NXPE2: variants seen among roughly 807,000 people sequenced by gnomAD.
The protein encoded by NXPE2 is NXPE family member 2.
NXPE2 carries 34 observed loss-of-function variants against 34.4 expected under a neutral mutation model. The observed-to-expected ratio is 0.99, with a 90% CI of 0.75 to 1.31. The LOEUF (loss-of-function observed/expected upper bound fraction) is 1.31, where lower values mean the gene tolerates loss of function less well. NXPE2 is among the 40% of genes most tolerant of loss of function. NXPE2 has a pLI of 0.00. For missense variants in NXPE2, 649 were observed against 672.5 expected, an observed-to-expected ratio of 0.97 and a Z score of 0.39; for synonymous variants, 235 against 231.3, an observed-to-expected ratio of 1.02 and a Z score of -0.15.
At chr11:114,807,518 C>T in the NXPE2 span, among the ~76,000 whole-genome samples, 1 of 150,610 alleles carries the variant, frequency 6.6e-6, no homozygotes, top group African/African-American at 2.4e-5. Flanking sequence ...AAATGGAAAA[C>T]AAAAAAAGGC....
chr11:114,785,619 T>TA, the NXPE2 span, among the ~76,000 whole-genome samples: 1 of 152,150 alleles, frequency 6.6e-6, no homozygotes. Flanking sequence ...AGTGATCCAA[T>TA]GAATTGAGAG....
At chr11:114,673,568 C>T (rs932948281), upstream of NXPE2, among the ~76,000 whole-genome samples, 1 of 151,492 alleles carries the variant, frequency 6.6e-6, no homozygotes, top group Non-Finnish European at 1.5e-5. Context: ...AATTGACAAA[C>T]CTGTAGCTAG....
the NXPE2 span, among the ~76,000 whole-genome samples, chr11:114,760,157 AGGAGGTGGCACTGTTG>A: frequency 3.3e-5 from 5 of 152,206 alleles, no homozygotes; most frequent in Non-Finnish European, 5.9e-5. Flanking sequence ...TGATGGTGTT[AGGAGGTGGCACTGTTG>A]GGAGGTGATT....
chr11:114,656,291 A>G, the NXPE2 span, among the ~76,000 whole-genome samples: 5 of 152,172 alleles, frequency 3.3e-5, no homozygotes, highest in African/African-American at 9.6e-5. Context: ...GATACAAACA[A>G]ATGGAAAAGC....
At chr11:114,766,925 AT>A in the NXPE2 span, among the ~76,000 whole-genome samples, 1 of 152,080 alleles carries the variant, frequency 6.6e-6, no homozygotes, top group South Asian at 2.1e-4. Flanking sequence ...TCTAATGAAA[AT>A]TTTTAGTTGT....
the NXPE2 span, among the ~76,000 whole-genome samples, chr11:114,736,965 C>T: frequency 6.6e-6 from 1 of 152,082 alleles, no homozygotes; most frequent in Non-Finnish European, 1.5e-5. Context: ...TTATTCTCTC[C>T]TCTCTCTCTG....
chr11:114,787,457 A>C, the NXPE2 span, among the ~76,000 whole-genome samples: 2 of 152,302 alleles, frequency 1.3e-5, no homozygotes, highest in Admixed American at 1.3e-4. Flanking sequence ...CAGCAAAGTC[A>C]TGACACAAGG....
the NXPE2 span, among the ~76,000 whole-genome samples, chr11:114,597,337 C>G: frequency 1.3e-5 from 2 of 152,102 alleles, no homozygotes; most frequent in Non-Finnish European, 2.9e-5. Flanking sequence ...GATCTGAAAT[C>G]TGAATGATAT....
the NXPE2 span, among the ~76,000 whole-genome samples, chr11:114,628,004 ACC>A: frequency 1.3e-5 from 2 of 151,954 alleles, no homozygotes; most frequent in East Asian, 3.9e-4. Context: ...ACACAGGAGC[ACC>A]TAGATTCATA....
At chr11:114,491,177 A>G in the NXPE2 span, among the ~76,000 whole-genome samples, 2 of 145,376 alleles carry the variant, frequency 1.4e-5, 1 homozygote. Flanking sequence ...TCAAAAAAAA[A>G]AAAAGAGTTT....
At chr11:114,527,602 C>T in the NXPE2 span, among the ~76,000 whole-genome samples, 1 of 152,186 alleles carries the variant, frequency 6.6e-6, no homozygotes, top group East Asian at 1.9e-4. Context: ...GATGAACTCT[C>T]AGGTTTAAAC....
the NXPE2 span, among the ~76,000 whole-genome samples, chr11:114,743,185 GA>G: frequency 3.4e-4 from 42 of 122,304 alleles, no homozygotes; most frequent in Non-Finnish European, 6.2e-4. Context: ...TTAATAGAAT[GA>G]AAAGATTCAA....
At chr11:114,801,262 C>G in the NXPE2 span, among the ~76,000 whole-genome samples, 2 of 152,022 alleles carry the variant, frequency 1.3e-5, no homozygotes, top group Non-Finnish European at 2.9e-5. Context: ...TCAGAGATAA[C>G]TTAGATTTAG....
chr11:114,717,761 T>A, the NXPE2 span, among the ~76,000 whole-genome samples: 3 of 152,178 alleles, frequency 2.0e-5, no homozygotes, highest in African/African-American at 4.8e-5. Flanking sequence ...TCCTCCCTCA[T>A]CTTCTCGACA....
the NXPE2 span, among the ~76,000 whole-genome samples, chr11:114,585,754 C>A: frequency 7.8e-4 from 119 of 152,172 alleles, no homozygotes; most frequent in Non-Finnish European, 1.1e-3. Flanking sequence ...AAGGAGCCCC[C>A]AAATCATTTC....
At chr11:114,753,394 G>GA in the NXPE2 span, among the ~76,000 whole-genome samples, 1 of 150,908 alleles carries the variant, frequency 6.6e-6, no homozygotes, top group African/African-American at 2.4e-5. Context: ...CCCTGTCTTA[G>GA]AAAAAAAAAT....
At chr11:114,787,223 C>A in the NXPE2 span, among the ~76,000 whole-genome samples, 2 of 152,268 alleles carry the variant, frequency 1.3e-5, no homozygotes, top group Non-Finnish European at 2.9e-5. Context: ...GAAAAAAGCT[C>A]GGGAGCCTCC....
the NXPE2 span, among the ~76,000 whole-genome samples, chr11:114,789,012 T>C: frequency 1.3e-5 from 2 of 152,204 alleles, no homozygotes; most frequent in Non-Finnish European, 1.5e-5. Flanking sequence ...AGAAATGCTT[T>C]CTTCTATGCT....
the NXPE2 span, among the ~76,000 whole-genome samples, chr11:114,537,004 T>C: frequency 2.0e-5 from 3 of 152,138 alleles, no homozygotes; most frequent in African/African-American, 4.8e-5. Context: ...CCAATATCCT[T>C]GATGAACATT....
Sources: gnomAD v4.1 joint callset for allele counts (sites outside exome capture counted in the v4.1 genomes callset) on GRCh38, gnomAD v4.1.1 for gene constraint, MANE v1.5 for transcripts, NCBI Gene and HGNC (gene_info 2026-07-23, HGNC 2026-07-21) for gene names.